Variants in ABLIM3 observed in about 807,000 individuals in gnomAD.
ABLIM3 encodes actin-binding LIM protein 3.
ABLIM3 carries 61 observed loss-of-function variants against 109.5 expected under a neutral mutation model. The ratio of observed to expected loss-of-function variants is 0.56; its 90% CI spans 0.45 to 0.69. The LOEUF is 0.69. Ranked by LOEUF, ABLIM3 falls within the 30% of genes least tolerant of loss-of-function variation. The pLI is 0.00. For synonymous variants in ABLIM3, 300 were observed against 324.8 expected (o/e 0.92, Z 0.82); for missense variants, 796 against 889.5 (o/e 0.89, Z 1.34).
chr5:149,210,757 C>T lies in ABLIM3; in HGVS notation c.607C>T (p.His203Tyr). 3.1e-6 allele frequency: 5 copies of T among 1,614,082 alleles called. No homozygotes were observed. Among genetic ancestry groups the T allele is most frequent in the Non-Finnish European group, 4.2e-6 (5 of 1,179,978 alleles). Residue 203 changes from histidine to tyrosine, a missense_variant, in exon 7 of 24, where the codon CAT becomes TAT. Transcript: ENST00000309868. ...TGTTCCATACTGTGAGTCCGACTAC[C>T]ATGCCCAGTTTGGCATTAAATGTGA... ...DGVPYCESDY[H>Y]AQFGIKCETC...
intron 3 of ABLIM3, among the ~76,000 whole-genome samples, chr5:149,186,731 G>C (rs1160961880): frequency 6.6e-6 from 1 of 151,938 alleles, no homozygotes; most frequent in Non-Finnish European, 1.5e-5. Context: ...AATGGAATGA[G>C]AGCCAGCAGA....
rs148615457 is a variant in ABLIM3 at position 149,216,983 on chromosome 5, A to G, written c.694A>G (p.Thr232Ala). ...GGCAGGAGGGAAGCACTACCACCCA[A>G]CCTGTGCCAGGTGTGTACGCTGCCA... is the stretch of plus-strand genomic sequence containing the variant. ...LEAGGKHYHP[T>A]CARCVRCHQM... Residue 232 changes from threonine to alanine, a missense_variant, in exon 8 of 24, where the codon ACC becomes GCC. Transcript: ENST00000309868. 1,393 of 1,613,916 alleles carry G rather than the reference A, an allele frequency of 8.6e-4. 1 individual carries two copies. Among genetic ancestry groups the G allele is most frequent in the Non-Finnish European group, 1.0e-3 (1,215 of 1,180,014 alleles).
In ABLIM3 at chr5:149,198,293, C is replaced by A; in HGVS notation, c.226C>A (p.Gln76Lys). 1.9e-6 allele frequency: 3 copies of A among 1,614,228 alleles called. No homozygotes were observed. The highest frequency in any genetic ancestry group is 1.7e-5 in the Admixed American group (1 of 60,028). Residue 76 changes from glutamine to lysine, a missense_variant, in exon 4 of 24, where the codon CAA becomes AAA. By Grantham distance (53) the Gln-to-Lys change is moderately conservative. Transcript: ENST00000309868. The surrounding 1 kb of genome is among the most constrained non-coding windows in gnomAD (Gnocchi z 4.2). Reference protein sequence around the residue: ...QEYICTQDYQQLYGTRCDSCR... With the variant: ...QEYICTQDYQKLYGTRCDSCR... ...GTACATCTGCACCCAGGACTACCAG[C>A]AACTCTATGGCACCCGCTGTGACAG... is the stretch of plus-strand genomic sequence containing the variant.
chr5:149,224,822 C>T (rs770711089), intron 8 of ABLIM3, among the ~76,000 whole-genome samples: 31 of 152,188 alleles, frequency 2.0e-4, no homozygotes, highest in Non-Finnish European at 4.4e-4. Context: ...CTGTTGTCAT[C>T]CCTGTTTTAT....
intron 7 of ABLIM3, among the ~76,000 whole-genome samples, chr5:149,214,938 A>G (rs1412065937): frequency 2.0e-5 from 3 of 151,738 alleles, no homozygotes; most frequent in Non-Finnish European, 2.9e-5. Flanking sequence ...TTTCTTTACT[A>G]TTTTCCTGAT....
chr5:149,210,881 C>A, intron 7 of ABLIM3, 62 bp downstream of exon 7: 1 of 1,484,282 alleles, frequency 6.7e-7, no homozygotes, highest in Non-Finnish European at 9.4e-7. Flanking sequence ...AAAAAGTCAT[C>A]ACAGAAGAAG....
In ABLIM3 at chr5:149,207,087, C is replaced by A; in HGVS notation, c.528C>A (p.Phe176Leu). The A allele has an allele frequency of 6.2e-7, 1 of 1,614,084 alleles. No individual in the cohort carries two copies. The highest frequency in any genetic ancestry group is 8.5e-7 in the Non-Finnish European group (1 of 1,179,988). ...ACAAGCAGTGGCACGTCAGCTGCTTCAAGTGCCAGACCTGCAGCGTCATCC... is the reference window on the plus strand; with the variant it reads ...ACAAGCAGTGGCACGTCAGCTGCTTAAAGTGCCAGACCTGCAGCGTCATCC... The part of the protein sequence containing the change: ...ALDKQWHVSC[F>L]KCQTCSVILT... The change falls in exon 6 of 24, where the codon TTC becomes TTA. Residue 176 changes from phenylalanine (F) to leucine (L), a missense_variant. By Grantham distance (22) the Phe-to-Leu change is conservative. Transcript: ENST00000309868.
intron 8 of ABLIM3, among the ~76,000 whole-genome samples, chr5:149,228,829 A>C (rs1761563273): frequency 6.6e-6 from 1 of 152,050 alleles, no homozygotes; most frequent in Non-Finnish European, 1.5e-5. Flanking sequence ...AGAGTGCTGA[A>C]GTTAATGGCC....
In ABLIM3 at chr5:149,198,070, G is replaced by A. The variant is rs142971991; in HGVS notation, c.152-149G>A. On this transcript the variant is annotated intron_variant, in intron 3 of 23. Transcript: ENST00000309868. This position sits in a 1 kb window ranked among gnomAD's most constrained non-coding sequence, Gnocchi z 4.2. The stretch of plus-strand genomic sequence containing the variant: ...TGTGGCCACTTCTTTAAGGAATACT[G>A]GCCCCAAAGGCCTGTGAAGTCTGAC... 51 of 211,120 alleles carry A rather than the reference G, an allele frequency of 2.4e-4. 2 individuals are homozygous for A. In the East Asian group the frequency reaches 3.0e-3, roughly 12 times the overall value. The allele number at this position is 211,120 out of a possible 1,614,324, so 13.1% of individuals were successfully genotyped here.
At chr5:149,258,225 C>A in intron 23 of ABLIM3, 66 bp from the exon 24 acceptor site, 2 of 1,459,448 alleles carry the variant, frequency 1.4e-6, no homozygotes, top group Non-Finnish European at 1.9e-6. Context: ...GCTACCCCTG[C>A]ATCTTGCATC....
intron 2 of ABLIM3, among the ~76,000 whole-genome samples, chr5:149,158,986 A>G (rs1014339788): frequency 6.6e-6 from 1 of 152,194 alleles, no homozygotes; most frequent in African/African-American, 2.4e-5. Flanking sequence ...TAAAAATTCA[A>G]CATACACCTA....
At chr5:149,229,406 C>A (rs1183137600) in intron 8 of ABLIM3, among the ~76,000 whole-genome samples, 1 of 152,186 alleles carries the variant, frequency 6.6e-6, no homozygotes, top group African/African-American at 2.4e-5. Context: ...CCACCCAAAT[C>A]CCACCTTATT....
Position 149,239,796 on chromosome 5 carries a change from C to T in ABLIM3, c.1112C>T (p.Ala371Val), listed in dbSNP as rs1396113122. Residue 371 changes from alanine (A) to valine (V), a missense_variant, in exon 13 of 24, where the codon GCC (alanine) becomes GTC (valine). Transcript: ENST00000309868. ...AACCTGGACCTCCGGCAGAGACGGG[C>T]CTCCAGCCCGGGGTACATAGACTCC... ...YENLDLRQRR[A>V]SSPGYIDSPT... 4 of 1,608,498 alleles carry T rather than the reference C, an allele frequency of 2.5e-6. No homozygotes were observed. The South Asian group carries it at 3.3e-5, about 13-fold the overall frequency.
intron 22 of ABLIM3, 181 bp downstream of exon 22, chr5:149,252,389 C>A: frequency 1.6e-6 from 1 of 621,188 alleles, no homozygotes; most frequent in Middle Eastern, 3.7e-4. Context: ...GAATCCTGCC[C>A]TAGGTCTCTT....
intron 8 of ABLIM3, among the ~76,000 whole-genome samples, chr5:149,224,164 C>G (rs1760938031): frequency 6.6e-6 from 1 of 152,090 alleles, no homozygotes; most frequent in Non-Finnish European, 1.5e-5. Context: ...TATCGACACT[C>G]TATAAATATT....
chr5:149,164,668 C>A (rs115675948), intron 2 of ABLIM3, among the ~76,000 whole-genome samples: 1,528 of 152,170 alleles, frequency 0.01, 30 homozygotes, highest in African/African-American at 0.036. Context: ...GTTTGAGAAC[C>A]ACTGCTTACC....
intron 2 of ABLIM3, among the ~76,000 whole-genome samples, chr5:149,163,306 C>T (rs1754542867): frequency 6.6e-6 from 1 of 152,180 alleles, no homozygotes; most frequent in South Asian, 2.1e-4. Flanking sequence ...GAAGATAGGG[C>T]AGGGCACCTT....
chr5:149,238,100 C>CCCCAGT lies in ABLIM3; in HGVS notation c.1044+498_1044+503dup, dbSNP rs1432331806. 5.3e-5 allele frequency among the ~76,000 whole-genome samples: 8 copies of CCCCAGT among 152,262 alleles called. No individual in the cohort carries two copies. The East Asian group carries it at 1.3e-3, about 26-fold the overall frequency. On this transcript the variant is annotated intron_variant, in intron 11 of 23. Transcript: ENST00000309868. ...TCTGGTTTTCCCACCTGGCCTTTAG[C>CCCCAGT]CCCAGTGTCTCTTCAAAGGAAGAGA...
At position 149,197,068 on chromosome 5, in the gene ABLIM3, A is replaced by G. The variant is rs529197744; in HGVS notation, c.152-1151A>G. 4.6e-5 allele frequency among the ~76,000 whole-genome samples: 7 copies of G among 152,300 alleles called. No individual in the cohort carries two copies. In the South Asian group the frequency reaches 1.2e-3, roughly 27 times the overall value. On this transcript the variant is annotated intron_variant, in intron 3 of 23. Coordinates refer to ENST00000309868, the MANE Select transcript of ABLIM3 (RefSeq NM_014945.5). ...AGCTGAGTGATGGAGAATTATTACA[A>G]TCTTCTCCCATTTTTGTATATGTTT...
Sources: gnomAD v4.1 joint callset for allele counts (sites outside exome capture counted in the v4.1 genomes callset) on GRCh38, gnomAD v4.1.1 for gene constraint, Gnocchi (gnomAD v3.1) non-coding constraint, MANE v1.5 for transcripts, NCBI Gene and HGNC (gene_info 2026-07-23, HGNC 2026-07-21) for gene names.